Variants in DMD observed in about 807,000 individuals in gnomAD.
DMD encodes the protein dystrophin.
Under a neutral mutation model 330.1 loss-of-function variants are expected in DMD, and 63 were observed. The ratio of observed to expected loss-of-function variants is 0.19; its 90% CI spans 0.16 to 0.24. The LOEUF (loss-of-function observed/expected upper bound fraction) is 0.24, where lower values mean the gene tolerates loss of function less well. DMD is among the 10% of genes least tolerant of loss of function. The pLI is 1.00. For missense variants in DMD, 3,344 were observed against 2,684.1 expected (o/e 1.25, Z -5.43); for synonymous variants, 1,223 against 959.8 (o/e 1.27, Z -5.07).
At chrX:32,486,135 C>T (rs1261016752) in intron 20 of DMD, among the ~76,000 whole-genome samples, 1 of 110,487 alleles carries the variant, frequency 9.1e-6, no homozygotes, top group Non-Finnish European at 1.9e-5. Flanking sequence ...TCAGTAGTAC[C>T]CTGGTTTGTA....
At chrX:31,890,970 A>G (rs1206485815) in intron 47 of DMD, among the ~76,000 whole-genome samples, 2 of 112,116 alleles carry the variant, frequency 1.8e-5, no homozygotes, top group Non-Finnish European at 3.8e-5. Context: ...TAATATTCAT[A>G]TTGTTGCAAT....
chrX:32,809,691 C>CTAT, intron 6 of DMD, 80 bp from the exon 7 acceptor site: 1 of 871,278 alleles, frequency 1.1e-6, no homozygotes, highest in Admixed American at 2.2e-5. Flanking sequence ...TACTTCCATG[C>CTAT]TTAATTTTCA....
chrX:32,915,905 C>T (rs1163913608), intron 2 of DMD, among the ~76,000 whole-genome samples: 1 of 111,186 alleles, frequency 9.0e-6, no homozygotes, highest in Non-Finnish European at 1.9e-5. Context: ...TCTTTTCAAC[C>T]TCTTTTGACT....
intron 47 of DMD, among the ~76,000 whole-genome samples, chrX:31,906,709 TATAAC>T (rs1354726234): frequency 9.0e-6 from 1 of 110,911 alleles, no homozygotes; most frequent in Non-Finnish European, 1.9e-5. Flanking sequence ...GATATCCTTG[TATAAC>T]ATAAGTCATC....
chrX:31,600,522 T>TG (rs2077300895), intron 55 of DMD, among the ~76,000 whole-genome samples: 1 of 99,651 alleles, frequency 1.0e-5, no homozygotes, highest in Non-Finnish European at 2.0e-5. Flanking sequence ...TTTTTTTTTT[T>TG]TTTTTTTTTT....
intron 1 of DMD, among the ~76,000 whole-genome samples, chrX:33,166,121 A>G (rs926362016): frequency 9.0e-6 from 1 of 111,470 alleles, no homozygotes; most frequent in Admixed American, 9.6e-5. Flanking sequence ...CAGGAATACC[A>G]GGTCAAGAGA....
At chrX:31,422,754 A>G (rs1413738625) in intron 60 of DMD, among the ~76,000 whole-genome samples, 1 of 111,720 alleles carries the variant, frequency 9.0e-6, no homozygotes, top group Admixed American at 9.5e-5. Context: ...AAAGTATCCT[A>G]TGGAGTTTTG....
chrX:32,701,587 C>T (rs1326183807), intron 7 of DMD, among the ~76,000 whole-genome samples: 1 of 111,143 alleles, frequency 9.0e-6, no homozygotes, highest in Admixed American at 9.6e-5. Flanking sequence ...AGAAAATGTT[C>T]TTCCTTCTCA....
chrX:32,220,559 A>G (rs900342629), intron 43 of DMD, among the ~76,000 whole-genome samples: 3 of 111,479 alleles, frequency 2.7e-5, no homozygotes, highest in African/African-American at 9.8e-5. Context: ...GTCTAAATCT[A>G]TTCTTGAATT....
intron 60 of DMD, among the ~76,000 whole-genome samples, chrX:31,369,892 C>T (rs1418762648): frequency 9.1e-6 from 1 of 110,330 alleles, no homozygotes; most frequent in Non-Finnish European, 1.9e-5. Context: ...AACTATAAGA[C>T]ATATAAAACA....
At chrX:32,924,223 A>T (rs1352743946) in intron 2 of DMD, among the ~76,000 whole-genome samples, 2 of 111,825 alleles carry the variant, frequency 1.8e-5, no homozygotes, top group African/African-American at 3.3e-5. Flanking sequence ...TTATGAAATA[A>T]GAAAAAAGAA....
intron 61 of DMD, chrX:31,348,318 T>C: frequency 2.4e-6 from 1 of 415,492 alleles, no homozygotes; most frequent in African/African-American, 2.5e-5. Context: ...CATTTGAGAA[T>C]ATAGTGCAGG....
intron 5 of DMD, among the ~76,000 whole-genome samples, chrX:32,821,304 G>C (rs1345374872): frequency 9.0e-6 from 1 of 111,556 alleles, no homozygotes; most frequent in African/African-American, 3.3e-5. Flanking sequence ...TAAAATTCAA[G>C]CCGGGCGCAG....
At chrX:32,914,374 C>A (rs774428071) in intron 2 of DMD, among the ~76,000 whole-genome samples, 2 of 112,157 alleles carry the variant, frequency 1.8e-5, no homozygotes, top group South Asian at 7.4e-4. Context: ...AGCAAGAGTA[C>A]TAAGCGACTC....
chrX:32,327,189 G>C lies in DMD; in HGVS notation c.5922+14911C>G, dbSNP rs771860593. On this transcript the variant is annotated intron_variant, in intron 41 of 78. Transcript: ENST00000357033. Reference sequence around the variant, plus strand: ...TCCCATTTTGACTTCAAAGCTACTAGGGGCACAAAAAAAAAAAGAGATAAT... The same window carrying C: ...TCCCATTTTGACTTCAAAGCTACTACGGGCACAAAAAAAAAAAGAGATAAT... Among the ~76,000 whole-genome samples the C allele has an allele frequency of 6.3e-4, 24 of 37,934 alleles. 1 individual carries two copies. In the East Asian group the frequency reaches 0.014, roughly 23 times the overall value. The allele number at this position is 37,934 out of a possible 115,157, so 32.9% of individuals were successfully genotyped here. A position where few individuals can be genotyped will look rare whatever the true frequency, so the allele number is the denominator to read the frequency against.
At chrX:32,807,264 G>C (rs1337280750) in intron 7 of DMD, among the ~76,000 whole-genome samples, 3 of 107,130 alleles carry the variant, frequency 2.8e-5, no homozygotes, top group African/African-American at 1.0e-4. Context: ...AAATGATAAA[G>C]GGGATATCAC....
intron 2 of DMD, among the ~76,000 whole-genome samples, chrX:32,968,373 C>T (rs1175635942): frequency 9.0e-6 from 1 of 111,244 alleles, no homozygotes; most frequent in Non-Finnish European, 1.9e-5. Flanking sequence ...ATAGTTCTCA[C>T]TTCAATTTGA....
intron 9 of DMD, among the ~76,000 whole-genome samples, chrX:32,665,681 C>G (rs1056758927): frequency 9.0e-6 from 1 of 111,506 alleles, no homozygotes; most frequent in Non-Finnish European, 1.9e-5. Flanking sequence ...AAGAACACGT[C>G]CAAGAAGAAA....
At chrX:32,707,341 T>G (rs2064767486) in intron 7 of DMD, among the ~76,000 whole-genome samples, 1 of 111,869 alleles carries the variant, frequency 8.9e-6, no homozygotes, top group African/African-American at 3.3e-5. Context: ...TTGCCTTCCA[T>G]AAAAGCCCTC....
Sources: allele counts gnomAD v4.1 joint callset (sites outside exome capture counted in the v4.1 genomes callset), GRCh38; gene constraint gnomAD v4.1.1; transcripts MANE v1.5; gene names NCBI Gene and HGNC (gene_info 2026-07-23, HGNC 2026-07-21).